The following GABRA3 variants were observed in gnomAD, a reference collection of about 807,000 sequenced individuals.
GABRA3 encodes gamma-aminobutyric acid type A receptor subunit alpha3.
A neutral mutation model predicts 30.1 loss-of-function variants in GABRA3; 10 were observed. That is an observed-to-expected ratio of 0.33 (90% CI 0.20 to 0.56). The LOEUF is 0.56. Ranked by LOEUF, GABRA3 falls within the 20% of genes least tolerant of loss-of-function variation. The pLI, the probability that GABRA3 is intolerant of heterozygous loss-of-function variation, is 0.89. For synonymous variants in GABRA3, 151 were observed against 146.8 expected (o/e 1.03, Z -0.21); for missense variants, 233 against 392.0 (o/e 0.59, Z 3.42).
chrX:152,298,565 T>C (rs1939575688), intron 3 of GABRA3, among the ~76,000 whole-genome samples: 2 of 110,937 alleles, frequency 1.8e-5, no homozygotes, highest in Non-Finnish European at 3.8e-5. Context: ...CATCATTTTT[T>C]ATGGCTGCAT....
chrX:152,318,725 C>T (rs1239281389), intron 3 of GABRA3, among the ~76,000 whole-genome samples: 1 of 111,803 alleles, frequency 8.9e-6, no homozygotes, highest in Non-Finnish European at 1.9e-5. Context: ...AAACAAAAAT[C>T]ACATGATCAT....
intron 1 of GABRA3, among the ~76,000 whole-genome samples, chrX:152,400,103 G>A (rs1310169662): frequency 9.0e-6 from 1 of 111,580 alleles, no homozygotes; most frequent in African/African-American, 3.3e-5. Flanking sequence ...ACGTCACTCT[G>A]AAATATATAA....
intron 3 of GABRA3, among the ~76,000 whole-genome samples, chrX:152,316,145 T>C (rs1939875212): frequency 9.1e-6 from 1 of 109,721 alleles, no homozygotes; most frequent in Non-Finnish European, 1.9e-5. Context: ...CTGGAGCAGG[T>C]GCAGGCATCC....
At chrX:152,295,427 C>G (rs1325185124) in intron 3 of GABRA3, among the ~76,000 whole-genome samples, 6 of 113,132 alleles carry the variant, frequency 5.3e-5, no homozygotes, top group African/African-American at 1.9e-4. Context: ...CCCTGCCAGG[C>G]TGTTGCCTCA....
At chrX:152,219,805 C>A (rs188870765) in intron 6 of GABRA3, among the ~76,000 whole-genome samples, 2 of 110,299 alleles carry the variant, frequency 1.8e-5, no homozygotes, top group Admixed American at 1.9e-4. Flanking sequence ...TAGTATACTA[C>A]ACACACAGTA....
chrX:152,284,554 T>C (rs1168005554), intron 4 of GABRA3, 114 bp downstream of exon 4: 4 of 476,685 alleles, frequency 8.4e-6, no homozygotes, highest in Non-Finnish European at 1.4e-5. Context: ...GAAATTCATA[T>C]GAGAAAAGAC....
chrX:152,416,403 C>T (rs1417690914), intron 1 of GABRA3, among the ~76,000 whole-genome samples: 4 of 103,627 alleles, frequency 3.9e-5, no homozygotes, highest in Non-Finnish European at 6.0e-5. Flanking sequence ...ACATTCCATG[C>T]TCATGGGTAG....
At chrX:152,304,038 T>C (rs1939682115) in intron 3 of GABRA3, among the ~76,000 whole-genome samples, 1 of 112,380 alleles carries the variant, frequency 8.9e-6, no homozygotes. Context: ...GAGTTTAATT[T>C]ACATTTCTCT....
At chrX:152,358,574 C>A in intron 2 of GABRA3, among the ~76,000 whole-genome samples, 1 of 111,020 alleles carries the variant, frequency 9.0e-6, no homozygotes, top group Non-Finnish European at 1.9e-5. Flanking sequence ...GACTTCAGTA[C>A]CATGTTTAAT....
At chrX:152,224,111 A>G (rs1287127617) in intron 6 of GABRA3, among the ~76,000 whole-genome samples, 1 of 110,919 alleles carries the variant, frequency 9.0e-6, no homozygotes, top group Non-Finnish European at 1.9e-5. Flanking sequence ...GACATGATCA[A>G]CACAGATTTT....
chrX:152,326,541 G>A (rs1467764538), intron 3 of GABRA3, among the ~76,000 whole-genome samples: 2 of 111,660 alleles, frequency 1.8e-5, no homozygotes, highest in Non-Finnish European at 3.8e-5. Flanking sequence ...GAGAGTGGGG[G>A]CCGATATTCA....
chrX:152,179,496 T>C, intron 9 of GABRA3, among the ~76,000 whole-genome samples: 1 of 94,384 alleles, frequency 1.1e-5, no homozygotes, highest in South Asian at 4.9e-4. Flanking sequence ...GTGAGTTCAA[T>C]TTTTTTTTTT....
At chrX:152,224,671 G>C in intron 6 of GABRA3, 92 bp downstream of exon 6, 2 of 649,901 alleles carry the variant, frequency 3.1e-6, no homozygotes, top group Non-Finnish European at 4.7e-6. Flanking sequence ...CTCAGCTTTA[G>C]AAACTTGCAG....
chrX:152,280,998 T>C (rs1939189516), intron 4 of GABRA3, among the ~76,000 whole-genome samples: 1 of 111,098 alleles, frequency 9.0e-6, no homozygotes, highest in African/African-American at 3.3e-5. Context: ...TTCCTGCACC[T>C]CTGACATGCT....
At chrX:152,342,183 T>C (rs1940325039) in intron 3 of GABRA3, among the ~76,000 whole-genome samples, 1 of 113,044 alleles carries the variant, frequency 8.8e-6, no homozygotes, top group African/African-American at 3.2e-5. Context: ...ATTGACTTTT[T>C]AATAATGGCC....
At chrX:152,350,476 T>C (rs1382127938) in intron 2 of GABRA3, among the ~76,000 whole-genome samples, 1 of 109,078 alleles carries the variant, frequency 9.2e-6, no homozygotes, top group East Asian at 2.9e-4. Flanking sequence ...CTGAAGGAAA[T>C]AGAGACACAA....
intron 1 of GABRA3, among the ~76,000 whole-genome samples, chrX:152,404,603 C>G (rs1929878796): frequency 9.1e-6 from 1 of 110,328 alleles, no homozygotes; most frequent in African/African-American, 3.3e-5. Context: ...ACTTTCAACT[C>G]CATCCAGCAG....
chrX:152,199,666 T>C (rs1389442533), intron 7 of GABRA3, among the ~76,000 whole-genome samples: 1 of 111,036 alleles, frequency 9.0e-6, no homozygotes, highest in African/African-American at 3.3e-5. Context: ...GGGGATCTAA[T>C]AGGCATCTTG....
At chrX:152,214,484 G>A (rs181180858) in intron 6 of GABRA3, among the ~76,000 whole-genome samples, 8 of 111,167 alleles carry the variant, frequency 7.2e-5, no homozygotes, top group South Asian at 3.8e-4. Context: ...CTATAGCTTC[G>A]TGGTATATTT....
Sources: gnomAD v4.1 joint callset for allele counts (sites outside exome capture counted in the v4.1 genomes callset) on GRCh38, gnomAD v4.1.1 for gene constraint, MANE v1.5 for transcripts, NCBI Gene and HGNC (gene_info 2026-07-23, HGNC 2026-07-21) for gene names.